The following MME variants were observed in gnomAD, a reference collection of about 807,000 sequenced individuals.
MME encodes the protein membrane metalloendopeptidase.
In MME, 98 loss-of-function variants were observed where a neutral mutation model predicts 113.2. The observed-to-expected ratio is 0.87, with a 90% CI of 0.74 to 1.02. The LOEUF is 1.02. Among genes scored for constraint, MME ranks in the 50% least tolerant of loss-of-function variants. MME has a pLI of 0.00. For missense variants in MME, 836 were observed against 896.0 expected, an observed-to-expected ratio of 0.93 and a Z score of 0.86; for synonymous variants, 292 against 300.6, an observed-to-expected ratio of 0.97 and a Z score of 0.30.
intron 3 of MME, among the ~76,000 whole-genome samples, chr3:155,095,654 A>G (rs539888207): frequency 3.9e-5 from 6 of 152,268 alleles, no homozygotes; most frequent in African/African-American, 4.8e-5. Flanking sequence ...AGCTAGAACA[A>G]CAGGCACATG....
chr3:155,099,275 T>TTCATTTTAC (rs1182018482), intron 3 of MME, among the ~76,000 whole-genome samples: 2 of 152,212 alleles, frequency 1.3e-5, no homozygotes, highest in African/African-American at 4.8e-5. Context: ...TACAAATGAA[T>TTCATTTTAC]TCATTTTTAC....
In MME at chr3:155,172,549, C is replaced by A. The variant is rs1280378056; in HGVS notation, c.2090C>A (p.Thr697Asn). The A allele has an allele frequency of 6.2e-7, 1 of 1,612,212 alleles. No individual in the cohort carries two copies. Among genetic ancestry groups the A allele is most frequent in the East Asian group, 2.2e-5 (1 of 44,836 alleles). Residue 697 changes from threonine (T) to asparagine (N), a missense_variant, in exon 22 of 23, where the codon ACC (threonine) becomes AAC (asparagine). Coordinates refer to ENST00000360490, the MANE Select transcript of MME (RefSeq NM_007289.4). The stretch of plus-strand genomic sequence containing the variant: ...TCCTATCTCTAGGTGTGGTGTGGAA[C>A]CTATAGGCCAGAGTATGCGGTTAAC... Reference protein sequence around the residue: ...FLNFAQVWCGTYRPEYAVNSI... With the variant: ...FLNFAQVWCGNYRPEYAVNSI...
At chr3:155,079,642 G>A (rs1262320487), upstream of MME, 1 of 139,610 alleles carries the variant, frequency 7.2e-6, no homozygotes, top group Non-Finnish European at 1.6e-5. Flanking sequence ...GGGGGGGTGG[G>A]CCGTGAGAGC....
chr3:155,042,920 A>ATG lies in MME; in HGVS notation c.-11+18597_-11+18598insGT, dbSNP rs1713395157. On this transcript the variant is annotated intron_variant, in intron 1 of 22. Coordinates refer to the MME transcript ENST00000492661. ...AGGTTTTATATATATATATATATAT[A>ATG]TATATATATATATATATATGTATAT... is the stretch of plus-strand genomic sequence containing the variant. Among the ~76,000 whole-genome samples, 9 of 59,916 alleles carry ATG rather than the reference A, an allele frequency of 1.5e-4. 1 individual carries two copies. In the South Asian group the frequency reaches 4.1e-3, roughly 27 times the overall value. 39.3% of individuals were successfully genotyped at this position (59,916 alleles called of 152,430 possible). A position where few individuals can be genotyped will look rare whatever the true frequency, so the allele number is the denominator to read the frequency against.
chr3:155,063,771 C>G (rs1044809664), intron 1 of MME, among the ~76,000 whole-genome samples: 1 of 145,070 alleles, frequency 6.9e-6, no homozygotes, highest in Admixed American at 7.3e-5. Flanking sequence ...GCACCTTTTC[C>G]CAAAAAGATG....
At position 155,172,159 on chromosome 3, in the gene MME, C is replaced by T; in HGVS notation, c.2023C>T (p.Leu675Phe). The T allele has an allele frequency of 6.2e-7, 1 of 1,611,840 alleles. No homozygotes were observed. Residue 675 changes from leucine to phenylalanine, a missense_variant, in exon 21 of 23, where the codon CTT becomes TTT. Physicochemically the swap from Leu to Phe is conservative, Grantham distance 22. Coordinates refer to ENST00000360490, the MANE Select transcript of MME (RefSeq NM_007289.4). The stretch of plus-strand genomic sequence containing the variant: ...TAAAAAGAATGGCGAAGAAAAATTA[C>T]TTCCTGGACTTGACCTAAATCACAA... Reference protein sequence around the residue: ...YIKKNGEEKLLPGLDLNHKQL... With the variant: ...YIKKNGEEKLFPGLDLNHKQL...
Position 155,132,214 on chromosome 3 carries a change from T to C in MME, c.721-5888T>C, listed in dbSNP as rs2108291533. Among the ~76,000 whole-genome samples the C allele has an allele frequency of 1.3e-5, 2 of 152,348 alleles. 1 individual carries two copies. The highest frequency in any genetic ancestry group is 4.1e-4 in the South Asian group (2 of 4,830). ...GATTGTCATTCATTAGGAATGAAAT[T>C]AAAGTTTGAAGGACAGTAGTCAAAT... On this transcript the variant is annotated intron_variant, in intron 8 of 22. Coordinates refer to ENST00000360490, the MANE Select transcript of MME (RefSeq NM_007289.4).
At chr3:155,173,435 T>G (rs181133999) in intron 22 of MME, among the ~76,000 whole-genome samples, 1 of 152,066 alleles carries the variant, frequency 6.6e-6, no homozygotes, top group African/African-American at 2.4e-5. Flanking sequence ...ATAAAATGAA[T>G]GTAAGCATAC....
Position 155,084,275 on chromosome 3 carries a change from G to A in MME, c.108G>A (p.Leu36=). Residue 36 remains leucine, a synonymous_variant, in exon 2 of 23, where the codon CTG becomes CTA. Transcript: ENST00000360490. ...PLEISLSVLV[L]LLTIIAVTMI... is the part of the protein sequence containing the mutation. The stretch of plus-strand genomic sequence containing the variant: ...AGATCAGCCTCTCGGTCCTTGTCCT[G>A]CTCCTCACCATCATAGCTGTGACAA... 6.2e-7 allele frequency: 1 copy of A among 1,614,118 alleles called. No homozygotes were observed.
chr3:155,027,887 GAAAT>G (rs913686488), intron 1 of MME, among the ~76,000 whole-genome samples: 2 of 152,166 alleles, frequency 1.3e-5, no homozygotes, highest in Non-Finnish European at 2.9e-5. Context: ...CTGAATAAAT[GAAAT>G]AAATCTTTTA....
At chr3:155,106,032 TA>T in intron 3 of MME, among the ~76,000 whole-genome samples, 1 of 152,366 alleles carries the variant, frequency 6.6e-6, no homozygotes, top group South Asian at 2.1e-4. Context: ...GGATTTAAGA[TA>T]AATTAGTCAC....
chr3:155,078,185 T>A (rs1229793092), upstream of MME, among the ~76,000 whole-genome samples: 1 of 151,804 alleles, frequency 6.6e-6, no homozygotes, highest in Non-Finnish European at 1.5e-5. Flanking sequence ...ATCACACCAC[T>A]GCACTCCAGC....
chr3:155,161,569 G>A (rs188604523), intron 17 of MME, among the ~76,000 whole-genome samples: 42 of 151,762 alleles, frequency 2.8e-4, no homozygotes, highest in African/African-American at 6.0e-4. Flanking sequence ...ACCTTTCCCC[G>A]TTGCTTTCAA....
chr3:155,126,390 T>C (rs570543040), intron 8 of MME, among the ~76,000 whole-genome samples: 9 of 144,796 alleles, frequency 6.2e-5, no homozygotes, highest in African/African-American at 2.4e-4. Context: ...TCGATGTATA[T>C]ATTTAAGGCA....
intron 1 of MME, chr3:155,083,940 C>T: frequency 3.9e-6 from 2 of 510,870 alleles, no homozygotes. Flanking sequence ...AACAAAACAA[C>T]AGCAACAAAA....
At chr3:155,028,165 AT>A (rs914053307) in intron 1 of MME, among the ~76,000 whole-genome samples, 1 of 152,178 alleles carries the variant, frequency 6.6e-6, no homozygotes, top group African/African-American at 2.4e-5. Context: ...AACAGACAAC[AT>A]TTCTACTCTC....
At chr3:155,119,622 G>A (rs1388123618) in intron 8 of MME, among the ~76,000 whole-genome samples, 14 of 142,190 alleles carry the variant, frequency 9.8e-5, no homozygotes, top group African/African-American at 3.7e-4. Flanking sequence ...CTGTGTCCAT[G>A]TGATCTCATT....
chr3:155,059,628 T>G (rs1014948959), intron 1 of MME, among the ~76,000 whole-genome samples: 2 of 152,138 alleles, frequency 1.3e-5, no homozygotes, highest in Non-Finnish European at 2.9e-5. Flanking sequence ...TCGGCCTATT[T>G]CATTTATGAA....
At chr3:155,024,840 A>C (rs952326653) in intron 1 of MME, among the ~76,000 whole-genome samples, 2 of 152,236 alleles carry the variant, frequency 1.3e-5, no homozygotes, top group East Asian at 1.9e-4. Context: ...CTACAATGAA[A>C]AATAAAAATG....
Sources: allele counts gnomAD v4.1 joint callset (sites outside exome capture counted in the v4.1 genomes callset), GRCh38; gene constraint gnomAD v4.1.1; transcripts MANE v1.5; gene names NCBI Gene and HGNC (gene_info 2026-07-23, HGNC 2026-07-21).